Variants in MGAT4C observed in about 807,000 individuals in gnomAD.
MGAT4C encodes the protein alpha-1,3-mannosyl-glycoprotein 4-beta-N-acetylglucosaminyltransferase C.
Under a neutral mutation model 40.1 loss-of-function variants are expected in MGAT4C, and 19 were observed. The ratio of observed to expected loss-of-function variants is 0.47; its 90% CI spans 0.33 to 0.70. The LOEUF (loss-of-function observed/expected upper bound fraction) is 0.70, where lower values mean the gene tolerates loss of function less well. Ranked by LOEUF, MGAT4C falls within the 30% of genes least tolerant of loss-of-function variation. The probability of loss-of-function intolerance (pLI) is 0.02; values close to 1 mark genes in which losing one functional copy is unlikely to be tolerated. For missense variants in MGAT4C, 491 were observed against 563.2 expected, an observed-to-expected ratio of 0.87 and a Z score of 1.30; for synonymous variants, 181 against 187.1, an observed-to-expected ratio of 0.97 and a Z score of 0.27.
chr12:86,440,495 A>G (rs1459354507), intron 2 of MGAT4C, among the ~76,000 whole-genome samples: 1 of 152,116 alleles, frequency 6.6e-6, no homozygotes, highest in Non-Finnish European at 1.5e-5. Context: ...AATAAAAAAC[A>G]TGTATGACAA....
At chr12:86,031,446 G>A (rs1158204212) in intron 2 of MGAT4C, among the ~76,000 whole-genome samples, 1 of 151,756 alleles carries the variant, frequency 6.6e-6, no homozygotes, top group Non-Finnish European at 1.5e-5. Flanking sequence ...TTTAATGCAT[G>A]AGAGTAAAAT....
At chr12:86,627,617 T>G (rs890701340) in intron 2 of MGAT4C, among the ~76,000 whole-genome samples, 9 of 152,140 alleles carry the variant, frequency 5.9e-5, no homozygotes, top group Non-Finnish European at 5.9e-5. Context: ...GGAGTGGAGC[T>G]CCAGCAAACT....
At chr12:86,496,376 G>A (rs373998002) in intron 2 of MGAT4C, among the ~76,000 whole-genome samples, 12 of 151,982 alleles carry the variant, frequency 7.9e-5, no homozygotes, top group South Asian at 4.2e-4. Flanking sequence ...GTGAATGAGC[G>A]TAATAATTAT....
intron 1 of MGAT4C, among the ~76,000 whole-genome samples, chr12:86,833,259 A>AT (rs1341676566): frequency 6.6e-6 from 1 of 151,812 alleles, no homozygotes; most frequent in East Asian, 1.9e-4. Flanking sequence ...CCTAAGAATA[A>AT]TTTTTAAATT....
At chr12:86,792,720 T>G (rs982521918) in intron 1 of MGAT4C, among the ~76,000 whole-genome samples, 1 of 151,936 alleles carries the variant, frequency 6.6e-6, no homozygotes, top group Non-Finnish European at 1.5e-5. Context: ...TCACCTGAGG[T>G]CATGAGTTCA....
At chr12:86,196,769 C>T (rs1214905442) in intron 1 of MGAT4C, among the ~76,000 whole-genome samples, 2 of 152,194 alleles carry the variant, frequency 1.3e-5, no homozygotes, top group Non-Finnish European at 1.5e-5. Context: ...TAGGTAATCT[C>T]TTTAAGGAGC....
At chr12:86,301,253 T>G (rs1015275836) in intron 4 of MGAT4C, among the ~76,000 whole-genome samples, 6 of 152,188 alleles carry the variant, frequency 3.9e-5, no homozygotes, top group Non-Finnish European at 8.8e-5. Flanking sequence ...ATTACTTTCA[T>G]AGATAAGAAT....
At chr12:86,519,696 G>A (rs1461375437) in intron 2 of MGAT4C, among the ~76,000 whole-genome samples, 1 of 151,986 alleles carries the variant, frequency 6.6e-6, no homozygotes, top group Non-Finnish European at 1.5e-5. Flanking sequence ...GGCCATTTGT[G>A]TATCTTCTTT....
At chr12:86,242,965 G>A (rs1258286285) in intron 1 of MGAT4C, among the ~76,000 whole-genome samples, 3 of 152,090 alleles carry the variant, frequency 2.0e-5, no homozygotes, top group Non-Finnish European at 4.4e-5. Context: ...TTAACATTAA[G>A]GTGGCCCCAA....
chr12:86,428,485 T>C (rs1347607128), intron 3 of MGAT4C, among the ~76,000 whole-genome samples: 1 of 152,200 alleles, frequency 6.6e-6, no homozygotes, highest in Non-Finnish European at 1.5e-5. Context: ...AGTGGTGGGA[T>C]CACAGACATG....
At chr12:86,441,406 G>A (rs892180821) in intron 2 of MGAT4C, among the ~76,000 whole-genome samples, 13 of 151,348 alleles carry the variant, frequency 8.6e-5, no homozygotes, top group African/African-American at 2.9e-4. Context: ...GTGCAGGTTT[G>A]TTACATATGT....
At chr12:86,310,488 T>G (rs1954044846) in intron 4 of MGAT4C, among the ~76,000 whole-genome samples, 1 of 152,110 alleles carries the variant, frequency 6.6e-6, no homozygotes, top group East Asian at 1.9e-4. Flanking sequence ...GAAATCTAAA[T>G]TTTAAGAGAA....
At chr12:86,736,389 C>T (rs1405967529) in intron 1 of MGAT4C, among the ~76,000 whole-genome samples, 3 of 151,758 alleles carry the variant, frequency 2.0e-5, no homozygotes, top group African/African-American at 7.2e-5. Flanking sequence ...CCTTCCTCAC[C>T]CAACATTCAT....
At chr12:86,257,258 T>C (rs992680286), upstream of MGAT4C, among the ~76,000 whole-genome samples, 4 of 152,154 alleles carry the variant, frequency 2.6e-5, no homozygotes, top group Non-Finnish European at 5.9e-5. Context: ...GAGAGGAGGA[T>C]AATGGGCTAA....
intron 4 of MGAT4C, among the ~76,000 whole-genome samples, chr12:86,294,100 C>T (rs1454556270): frequency 3.3e-5 from 5 of 149,362 alleles, no homozygotes; most frequent in Non-Finnish European, 5.9e-5. Flanking sequence ...GTGCCTGGCT[C>T]ATAGCACTTT....
chr12:86,101,516 C>G (rs1349350049), intron 1 of MGAT4C, among the ~76,000 whole-genome samples: 2 of 151,680 alleles, frequency 1.3e-5, no homozygotes, highest in Non-Finnish European at 3.0e-5. Flanking sequence ...GTCCATAATT[C>G]TCAGTGTAAA....
chr12:86,652,010 CTGTT>C (rs922072697), intron 2 of MGAT4C, among the ~76,000 whole-genome samples: 26 of 151,978 alleles, frequency 1.7e-4, no homozygotes, highest in African/African-American at 6.3e-4. Flanking sequence ...AGACCAGTCT[CTGTT>C]TGAAGACATA....
intron 1 of MGAT4C, among the ~76,000 whole-genome samples, chr12:86,822,498 A>T (rs999423592): frequency 6.6e-6 from 1 of 151,172 alleles, no homozygotes; most frequent in African/African-American, 2.4e-5. Context: ...GATGAAAAAA[A>T]GATACTCCAT....
At chr12:86,803,966 C>T (rs1343611796) in intron 1 of MGAT4C, among the ~76,000 whole-genome samples, 77 of 133,974 alleles carry the variant, frequency 5.7e-4, no homozygotes, top group African/African-American at 1.7e-3. Context: ...CACATGCACA[C>T]GTATGTTTAT....
Sources: gnomAD v4.1 joint callset for allele counts (sites outside exome capture counted in the v4.1 genomes callset) on GRCh38, gnomAD v4.1.1 for gene constraint, MANE v1.5 for transcripts, NCBI Gene and HGNC (gene_info 2026-07-23, HGNC 2026-07-21) for gene names.